CREB5: variants seen among roughly 807,000 people sequenced by gnomAD.
The protein encoded by CREB5 is cAMP responsive element binding protein 5.
CREB5 carries 19 observed loss-of-function variants against 57.1 expected under a neutral mutation model. That is an observed-to-expected ratio of 0.33 (90% CI 0.23 to 0.49). The LOEUF is 0.49. CREB5 is among the 20% of genes least tolerant of loss of function. The pLI is 0.99. For missense variants in CREB5, 579 were observed against 671.6 expected (o/e 0.86, Z 1.52); for synonymous variants, 238 against 238.3 (o/e 1.00, Z 0.01).
At chr7:28,573,888 G>A (rs949836499) in intron 5 of CREB5, among the ~76,000 whole-genome samples, 3 of 152,208 alleles carry the variant, frequency 2.0e-5, no homozygotes, top group Non-Finnish European at 4.4e-5. Flanking sequence ...CAAACAACAC[G>A]TGCAACTTCC....
intron 5 of CREB5, among the ~76,000 whole-genome samples, chr7:28,710,157 C>T (rs1802331299): frequency 6.6e-6 from 1 of 152,144 alleles, no homozygotes; most frequent in African/African-American, 2.4e-5. Context: ...TTGATAAAAA[C>T]TACACATTAC....
chr7:28,786,737 G>A lies in CREB5; in HGVS notation c.703-17462G>A, dbSNP rs115912032. 4.1e-3 allele frequency among the ~76,000 whole-genome samples: 631 copies of A among 152,238 alleles called. 6 individuals are homozygous for A. Among genetic ancestry groups the A allele is most frequent in the African/African-American group, 0.013 (557 of 41,512 alleles). ...TGGAATCTCTGGATTTTGGTTGATT[G>A]TTTGAAAATTGAAGTATTAAAGCCA... On this transcript the variant is annotated intron_variant, in intron 7 of 10. Coordinates refer to ENST00000357727, the MANE Select transcript of CREB5 (RefSeq NM_182898.4).
At chr7:28,404,550 A>G (rs1787538443) in intron 1 of CREB5, among the ~76,000 whole-genome samples, 1 of 152,182 alleles carries the variant, frequency 6.6e-6, no homozygotes, top group South Asian at 2.1e-4. Flanking sequence ...CAACCTCCTC[A>G]TGCACATGCT....
At position 28,320,940 on chromosome 7, in the gene CREB5, G is replaced by C. The variant is rs1279507780; in HGVS notation, c.-25+21499G>C. 2.0e-5 allele frequency among the ~76,000 whole-genome samples: 3 copies of C among 152,218 alleles called. No homozygotes were observed. In the South Asian group the frequency reaches 6.2e-4, roughly 31 times the overall value. ...TAATGCAGAGAGGCAGAATGGGAGA[G>C]CAGAGGAGAACACGGACTCGGGAGC... On this transcript the variant is annotated intron_variant, in intron 1 of 9. Transcript: ENST00000396299.
intron 1 of CREB5, among the ~76,000 whole-genome samples, chr7:28,451,656 C>T (rs966647904): frequency 1.3e-5 from 2 of 151,940 alleles, no homozygotes; most frequent in African/African-American, 4.8e-5. Flanking sequence ...AATACATATG[C>T]TGTGGAGGTG....
chr7:28,316,239 G>C (rs768238809), intron 1 of CREB5, among the ~76,000 whole-genome samples: 1 of 152,134 alleles, frequency 6.6e-6, no homozygotes, highest in Admixed American at 6.5e-5. Flanking sequence ...GGGTGTTGCA[G>C]AGGTTGATGA....
At chr7:28,684,641 A>T (rs921993758) in intron 5 of CREB5, among the ~76,000 whole-genome samples, 6 of 152,208 alleles carry the variant, frequency 3.9e-5, no homozygotes, top group Non-Finnish European at 8.8e-5. Flanking sequence ...GTGCTTTGCA[A>T]CGTGCAGAGA....
chr7:28,797,957 A>G (rs1348674924), intron 7 of CREB5, among the ~76,000 whole-genome samples: 1 of 52,704 alleles, frequency 1.9e-5, no homozygotes, highest in Non-Finnish European at 4.3e-5. Flanking sequence ...GTGTTTGGAA[A>G]GTGAAAAAAA....
intron 1 of CREB5, among the ~76,000 whole-genome samples, chr7:28,382,130 C>T (rs1259867971): frequency 2.0e-5 from 3 of 152,176 alleles, no homozygotes; most frequent in African/African-American, 7.2e-5. Flanking sequence ...TCCTGGAGTT[C>T]TGACATCCAA....
rs5883171 is a variant in CREB5 at position 28,820,687 on chromosome 7, AG to A, written c.*1409del. ...TGGTGCGATCATGGATCACTGCAGC[AG>A]CATCCTCCGAGTTCAAGCTATCCTT... On this transcript the variant is annotated 3_prime_UTR_variant, in exon 11 of 11. Coordinates refer to ENST00000357727, the MANE Select transcript of CREB5 (RefSeq NM_182898.4). The A allele has an allele frequency of 0.34, 46,591 of 136,186 alleles. 7,849 individuals carry two copies. The highest frequency in any genetic ancestry group is 0.47 in the African/African-American group (19,051 of 40,816). The allele number at this position is 136,186 out of a possible 1,614,324, so 8.4% of individuals were successfully genotyped here.
At chr7:28,337,135 G>T (rs1362022646) in intron 1 of CREB5, among the ~76,000 whole-genome samples, 3 of 152,086 alleles carry the variant, frequency 2.0e-5, no homozygotes, top group African/African-American at 4.8e-5. Context: ...CCTCAAGAAT[G>T]ATCCAAGTGC....
chr7:28,757,895 G>A (rs1805426457), intron 7 of CREB5, among the ~76,000 whole-genome samples: 1 of 152,140 alleles, frequency 6.6e-6, no homozygotes, highest in Non-Finnish European at 1.5e-5. Flanking sequence ...TCGCGGTGAT[G>A]CTCAAAATGT....
intron 1 of CREB5, among the ~76,000 whole-genome samples, chr7:28,396,643 AT>A (rs113465962): frequency 1.6e-4 from 25 of 152,108 alleles, no homozygotes; most frequent in African/African-American, 5.8e-4. Context: ...CAGGAAATAT[AT>A]TTTTTTCTAT....
chr7:28,585,498 G>C (rs544414030), intron 5 of CREB5, among the ~76,000 whole-genome samples: 3 of 152,184 alleles, frequency 2.0e-5, no homozygotes, highest in African/African-American at 4.8e-5. Context: ...TTTCGTGACC[G>C]ATCAGAGTTT....
chr7:28,451,100 T>C (rs1035277229), intron 1 of CREB5, among the ~76,000 whole-genome samples: 2 of 152,136 alleles, frequency 1.3e-5, no homozygotes, highest in Non-Finnish European at 2.9e-5. Flanking sequence ...TGGAAAACTT[T>C]AAAGGGGTCT....
chr7:28,522,592 G>T (rs1264798705), intron 4 of CREB5, among the ~76,000 whole-genome samples: 1 of 151,796 alleles, frequency 6.6e-6, no homozygotes, highest in Non-Finnish European at 1.5e-5. Context: ...GAGATGGGGT[G>T]TCACCATGTC....
chr7:28,736,580 A>G (rs1803991959), intron 7 of CREB5, among the ~76,000 whole-genome samples: 1 of 152,208 alleles, frequency 6.6e-6, no homozygotes, highest in African/African-American at 2.4e-5. Flanking sequence ...TACAGGGGAC[A>G]GTGCCCAGGA....
intron 5 of CREB5, among the ~76,000 whole-genome samples, chr7:28,572,363 A>G (rs1223164646): frequency 6.6e-6 from 1 of 152,208 alleles, no homozygotes; most frequent in Non-Finnish European, 1.5e-5. Context: ...ATGAGAGCAA[A>G]TGTTGCTGCT....
intron 7 of CREB5, among the ~76,000 whole-genome samples, chr7:28,724,881 CA>C (rs1180867235): frequency 6.6e-6 from 1 of 152,196 alleles, no homozygotes; most frequent in Non-Finnish European, 1.5e-5. Context: ...TGATTTTTAA[CA>C]TATGTTACAT....
Sources: allele counts gnomAD v4.1 joint callset (sites outside exome capture counted in the v4.1 genomes callset), GRCh38; gene constraint gnomAD v4.1.1; transcripts MANE v1.5; gene names NCBI Gene and HGNC (gene_info 2026-07-23, HGNC 2026-07-21).